ARNT2: variants seen among roughly 807,000 people sequenced by gnomAD.
ARNT2 encodes the protein ARNT protein 2.
A neutral mutation model predicts 91.7 loss-of-function variants in ARNT2; 36 were observed. The observed-to-expected ratio is 0.39, with a 90% CI of 0.30 to 0.52. The LOEUF (loss-of-function observed/expected upper bound fraction) is 0.52, where lower values mean the gene tolerates loss of function less well. Ranked by LOEUF, ARNT2 falls within the 20% of genes least tolerant of loss-of-function variation. The pLI, the probability that ARNT2 is intolerant of heterozygous loss-of-function variation, is 0.72. For synonymous variants in ARNT2, 365 were observed against 347.1 expected, an observed-to-expected ratio of 1.05 and a Z score of -0.57; for missense variants, 775 against 939.3, an observed-to-expected ratio of 0.83 and a Z score of 2.29.
intron 1 of ARNT2, among the ~76,000 whole-genome samples, chr15:80,409,132 C>T (rs1488951480): frequency 1.3e-5 from 2 of 152,166 alleles, no homozygotes; most frequent in Admixed American, 6.5e-5. Context: ...GGTTGGTAGA[C>T]GTTCTATGGG....
intron 17 of ARNT2, among the ~76,000 whole-genome samples, chr15:80,588,494 A>C (rs1893217360): frequency 6.6e-6 from 1 of 151,140 alleles, no homozygotes. Context: ...AAAAACCTTC[A>C]GTGTTTCTCT....
chr15:80,411,180 A>G (rs903764326), intron 1 of ARNT2, among the ~76,000 whole-genome samples: 6 of 152,190 alleles, frequency 3.9e-5, no homozygotes, highest in Admixed American at 1.3e-4. Flanking sequence ...CCTATCATGC[A>G]TTCTTCCAGG....
At chr15:80,406,953 G>T (rs936711215) in intron 1 of ARNT2, among the ~76,000 whole-genome samples, 17 of 152,230 alleles carry the variant, frequency 1.1e-4, no homozygotes, top group Non-Finnish European at 2.1e-4. Context: ...ATGGCTCAGG[G>T]TTTGAGCCAA....
intron 6 of ARNT2, among the ~76,000 whole-genome samples, chr15:80,509,933 C>T (rs777336888): frequency 6.6e-6 from 1 of 152,140 alleles, no homozygotes; most frequent in Non-Finnish European, 1.5e-5. Context: ...CTTTACATCG[C>T]TTCAGCTTTT....
In ARNT2 at chr15:80,470,069, C is replaced by T. The variant is rs1038237387; in HGVS notation, c.195-149C>T. 8 of 768,176 alleles carry T rather than the reference C, an allele frequency of 1.0e-5. No homozygotes were observed. The African/African-American group carries it at 1.4e-4, about 13-fold the overall frequency. The allele number at this position is 768,176 out of a possible 1,614,324, so 47.6% of individuals were successfully genotyped here. On this transcript the variant is annotated intron_variant, in intron 3 of 18. Transcript: ENST00000303329. ...CTGAGGCATCAGAAGGGCCATTTTGCCCAATAGTCATTCAAAGCACTCAGC... is the reference window on the plus strand; with the variant it reads ...CTGAGGCATCAGAAGGGCCATTTTGTCCAATAGTCATTCAAAGCACTCAGC...
intron 12 of ARNT2, among the ~76,000 whole-genome samples, chr15:80,570,751 T>C (rs993788079): frequency 6.7e-6 from 1 of 148,774 alleles, no homozygotes; most frequent in African/African-American, 2.6e-5. Context: ...ACACTGTAAT[T>C]GCTTGCCCAC....
At chr15:80,559,624 G>A (rs919367781) in intron 11 of ARNT2, among the ~76,000 whole-genome samples, 1 of 152,270 alleles carries the variant, frequency 6.6e-6, no homozygotes, top group African/African-American at 2.4e-5. Context: ...TGAGTTTGAG[G>A]GGGTGAGAGG....
chr15:80,569,640 C>T (rs933396409), intron 12 of ARNT2, among the ~76,000 whole-genome samples: 2 of 152,304 alleles, frequency 1.3e-5, no homozygotes, highest in Admixed American at 6.5e-5. Flanking sequence ...GCCATACCTG[C>T]GACCTAATTT....
intron 8 of ARNT2, among the ~76,000 whole-genome samples, chr15:80,541,005 C>T (rs1281584420): frequency 1.3e-5 from 2 of 152,068 alleles, no homozygotes; most frequent in Admixed American, 6.6e-5. Context: ...GGATATATAC[C>T]CAGTAATGGG....
intron 8 of ARNT2, among the ~76,000 whole-genome samples, chr15:80,527,315 C>A (rs996123956): frequency 6.6e-6 from 1 of 152,138 alleles, no homozygotes; most frequent in Non-Finnish European, 1.5e-5. Flanking sequence ...GGGTCATAAC[C>A]GAGACACATG....
intron 1 of ARNT2, among the ~76,000 whole-genome samples, chr15:80,428,330 T>A (rs1305250782): frequency 2.6e-5 from 4 of 152,266 alleles, no homozygotes; most frequent in African/African-American, 9.6e-5. Context: ...CATGATCTCA[T>A]GAAGCATGGA....
intron 8 of ARNT2, among the ~76,000 whole-genome samples, chr15:80,550,716 TC>T (rs1395035711): frequency 2.0e-5 from 3 of 152,190 alleles, no homozygotes; most frequent in African/African-American, 7.2e-5. Flanking sequence ...AACCCTGACT[TC>T]CCCCTACAAG....
intron 5 of ARNT2, among the ~76,000 whole-genome samples, chr15:80,494,651 C>T (rs1041630655): frequency 1.3e-5 from 2 of 152,116 alleles, no homozygotes; most frequent in African/African-American, 4.8e-5. Flanking sequence ...CCACAGCAGG[C>T]GGTGGCCCAT....
At chr15:80,474,577 A>ACCTTCC (rs912475666) in intron 4 of ARNT2, among the ~76,000 whole-genome samples, 3 of 151,958 alleles carry the variant, frequency 2.0e-5, no homozygotes, top group East Asian at 1.9e-4. Flanking sequence ...CTCCCTTCTC[A>ACCTTCC]CCTTCCCCTT....
intron 8 of ARNT2, among the ~76,000 whole-genome samples, chr15:80,525,458 A>C (rs1029434214): frequency 1.3e-5 from 2 of 151,932 alleles, no homozygotes; most frequent in African/African-American, 4.8e-5. Context: ...TCATCATCTC[A>C]TTCTAGTGCG....
chr15:80,523,266 G>T (rs1198746565), intron 8 of ARNT2, among the ~76,000 whole-genome samples: 1 of 152,232 alleles, frequency 6.6e-6, no homozygotes, highest in Non-Finnish European at 1.5e-5. Context: ...CACCGAGCAT[G>T]TGTGCTGGCT....
chr15:80,522,966 C>A (rs1040876317), intron 8 of ARNT2, among the ~76,000 whole-genome samples: 1 of 151,966 alleles, frequency 6.6e-6, no homozygotes, highest in Admixed American at 6.6e-5. Flanking sequence ...GTGTTCAGAG[C>A]CTGGACCTCA....
At chr15:80,592,700 C>A (rs929698454) in intron 18 of ARNT2, among the ~76,000 whole-genome samples, 3 of 152,250 alleles carry the variant, frequency 2.0e-5, no homozygotes, top group Non-Finnish European at 4.4e-5. Flanking sequence ...TCGCCTGCCT[C>A]CCCTGACTGC....
At chr15:80,431,987 T>C (rs1049396232) in intron 1 of ARNT2, among the ~76,000 whole-genome samples, 1 of 152,196 alleles carries the variant, frequency 6.6e-6, no homozygotes, top group Non-Finnish European at 1.5e-5. Flanking sequence ...CAGGACAAGC[T>C]CAGGTATGTC....
Sources: gnomAD v4.1 joint callset for allele counts (sites outside exome capture counted in the v4.1 genomes callset) on GRCh38, gnomAD v4.1.1 for gene constraint, MANE v1.5 for transcripts, NCBI Gene and HGNC (gene_info 2026-07-23, HGNC 2026-07-21) for gene names.